POC1A: variants seen among roughly 807,000 people sequenced by gnomAD.
POC1A encodes the protein POC1 centriolar protein homolog A.
Under a neutral mutation model 47.8 loss-of-function variants are expected in POC1A, and 34 were observed. The observed-to-expected ratio is 0.71, with a 90% CI of 0.54 to 0.95. The LOEUF (loss-of-function observed/expected upper bound fraction) is 0.95. POC1A is among the 40% of genes least tolerant of loss of function. The pLI is 0.00. For missense variants in POC1A, 466 were observed against 528.3 expected, an observed-to-expected ratio of 0.88 and a Z score of 1.16; for synonymous variants, 177 against 207.6, an observed-to-expected ratio of 0.85 and a Z score of 1.27.
Position 52,084,337 on chromosome 3 carries a change from C to T in POC1A, c.1126-8352G>A. On this transcript the variant is annotated intron_variant, in intron 10 of 10. Coordinates refer to ENST00000296484, the MANE Select transcript of POC1A (RefSeq NM_015426.5). The surrounding 1 kb of genome is among the most constrained non-coding windows in gnomAD (Gnocchi z 4.3). Reference sequence around the variant, plus strand: ...CTCATGCACTCATGGGCAAACATGGCAGGGAAGCTGGAGCCGTAACTTCTC... The same window carrying T: ...CTCATGCACTCATGGGCAAACATGGTAGGGAAGCTGGAGCCGTAACTTCTC... Among the ~76,000 whole-genome samples the T allele has an allele frequency of 6.6e-6, 1 of 152,192 alleles. No homozygotes were observed. Among genetic ancestry groups the T allele is most frequent in the East Asian group, 1.9e-4 (1 of 5,200 alleles).
At chr3:52,125,286 G>T (rs1703954704) in intron 7 of POC1A, 105 bp from the exon 8 acceptor site, 1 of 951,124 alleles carries the variant, frequency 1.1e-6, no homozygotes, top group South Asian at 1.5e-5. Flanking sequence ...GCAGGATAAA[G>T]GACCGAGAGC....
rs1409887370 is a variant in POC1A, at chr3:52,078,040, T to G, written c.1126-2055A>C. ...TGAAGGGTGCCACCCCGTTGAGGCC[T>G]TCCTCTGAGAGCTTTGAGGATCACT... On this transcript the variant is annotated intron_variant, in intron 10 of 10. Transcript: ENST00000296484. Among the ~76,000 whole-genome samples, 33 of 152,182 alleles carry G rather than the reference T, an allele frequency of 2.2e-4. 1 individual carries two copies. Among genetic ancestry groups the G allele is most frequent in the Admixed American group, 2.1e-3 (32 of 15,284 alleles).
intron 7 of POC1A, among the ~76,000 whole-genome samples, chr3:52,127,049 T>G (rs1301807299): frequency 6.6e-6 from 1 of 152,216 alleles, no homozygotes; most frequent in African/African-American, 2.4e-5. Context: ...CTTGCCCTCC[T>G]GCCTTCTTCA....
chr3:52,107,752 A>G (rs1471575468), intron 9 of POC1A, among the ~76,000 whole-genome samples: 1 of 152,222 alleles, frequency 6.6e-6, no homozygotes, highest in Non-Finnish European at 1.5e-5. Flanking sequence ...GAATTGGAGA[A>G]AAGTTGCAAA....
intron 9 of POC1A, among the ~76,000 whole-genome samples, chr3:52,115,432 C>A (rs1387638075): frequency 6.6e-6 from 1 of 152,220 alleles, no homozygotes; most frequent in African/African-American, 2.4e-5. Flanking sequence ...ACCCACACTT[C>A]TCCCCTCTAC....
chr3:52,130,984 TGG>T, intron 7 of POC1A, among the ~76,000 whole-genome samples: 1 of 127,418 alleles, frequency 7.8e-6, no homozygotes, highest in East Asian at 2.7e-4. Flanking sequence ...TGTGCAGGTC[TGG>T]GTCCAGGGCA....
intron 7 of POC1A, among the ~76,000 whole-genome samples, chr3:52,135,661 G>A (rs1029267759): frequency 7.9e-5 from 12 of 152,150 alleles, no homozygotes; most frequent in Admixed American, 7.2e-4. Flanking sequence ...CTGTGGTATG[G>A]AGGTGAGCTG....
chr3:52,098,378 C>T (rs746176637), intron 9 of POC1A, among the ~76,000 whole-genome samples: 3 of 152,182 alleles, frequency 2.0e-5, no homozygotes, highest in Non-Finnish European at 4.4e-5. Context: ...TGCAGAATGG[C>T]CCAGAAATGG....
At chr3:52,150,741 G>A (rs1698528425) in intron 2 of POC1A, among the ~76,000 whole-genome samples, 1 of 152,180 alleles carries the variant, frequency 6.6e-6, no homozygotes, top group African/African-American at 2.4e-5. Context: ...AAGGTGGCTA[G>A]GGTGTGCAGA....
intron 6 of POC1A, 30 bp downstream of exon 6, chr3:52,145,816 C>A: frequency 6.9e-7 from 1 of 1,456,054 alleles, no homozygotes; most frequent in South Asian, 1.1e-5. Context: ...CAGGGCTGCC[C>A]TTGGGCCCAG....
At chr3:52,078,817 A>G (rs997735823) in intron 10 of POC1A, among the ~76,000 whole-genome samples, 1 of 152,242 alleles carries the variant, frequency 6.6e-6, no homozygotes, top group Non-Finnish European at 1.5e-5. Context: ...GAAATCTGAA[A>G]TGCTGCTGGT....
rs370655367 is a variant in POC1A, at chr3:52,083,568, G to T, written c.1126-7583C>A. On this transcript the variant is annotated intron_variant, in intron 10 of 10. Transcript: ENST00000296484. ...CTCCCTGGCCTGGTTTTCTCTTGAG[G>T]TGGGCTTGTCCTGCACTTTTTTCTT... Among the ~76,000 whole-genome samples the T allele has an allele frequency of 1.2e-4, 19 of 152,220 alleles. No individual in the cohort carries two copies. In the South Asian group the frequency reaches 2.5e-3, roughly 20 times the overall value.
At chr3:52,130,471 G>A (rs1271756755) in intron 7 of POC1A, among the ~76,000 whole-genome samples, 1 of 152,190 alleles carries the variant, frequency 6.6e-6, no homozygotes, top group East Asian at 1.9e-4. Context: ...CACAGACGGG[G>A]AGTGACCTCC....
intron 7 of POC1A, among the ~76,000 whole-genome samples, chr3:52,127,997 A>G (rs899042386): frequency 1.3e-5 from 2 of 152,170 alleles, no homozygotes; most frequent in African/African-American, 4.8e-5. Context: ...CACCTGGCCT[A>G]CTTTGAATTT....
At chr3:52,117,572 CAG>C (rs1447574141) in intron 9 of POC1A, among the ~76,000 whole-genome samples, 2 of 152,208 alleles carry the variant, frequency 1.3e-5, no homozygotes, top group Non-Finnish European at 2.9e-5. Flanking sequence ...CTCTTAACCA[CAG>C]ATGAGCTTTC....
rs1243808700 is a variant in POC1A at position 52,116,710 on chromosome 3, G to A, written c.981+5669C>T. 9.2e-5 allele frequency among the ~76,000 whole-genome samples: 14 copies of A among 152,210 alleles called. 1 individual carries two copies. In the South Asian group the frequency reaches 2.7e-3, roughly 29 times the overall value. ...CAAGTTTTGAACACATAATCTCCTGGATTGGCTTTCAGTCAGGGAGGGGAA... is the reference window on the plus strand; with the variant it reads ...CAAGTTTTGAACACATAATCTCCTGAATTGGCTTTCAGTCAGGGAGGGGAA... On this transcript the variant is annotated intron_variant, in intron 9 of 10. Coordinates refer to ENST00000296484, the MANE Select transcript of POC1A (RefSeq NM_015426.5).
At chr3:52,116,595 T>C (rs1253843737) in intron 9 of POC1A, among the ~76,000 whole-genome samples, 1 of 152,146 alleles carries the variant, frequency 6.6e-6, no homozygotes, top group Non-Finnish European at 1.5e-5. Context: ...TCTAGAAACC[T>C]CACTGGCCCT....
intron 10 of POC1A, among the ~76,000 whole-genome samples, chr3:52,085,101 AACAC>A (rs1288263116): frequency 5.9e-5 from 9 of 152,292 alleles, no homozygotes; most frequent in African/African-American, 1.9e-4. Context: ...TAGGAGGGTG[AACAC>A]ACAGGACCAT....
At chr3:52,139,293 T>G (rs768000822) in intron 6 of POC1A, among the ~76,000 whole-genome samples, 9 of 152,200 alleles carry the variant, frequency 5.9e-5, no homozygotes, top group Non-Finnish European at 1.2e-4. Context: ...TTGCCCCCTG[T>G]GTTCCATGCA....
Sources: allele counts gnomAD v4.1 joint callset (sites outside exome capture counted in the v4.1 genomes callset), GRCh38; gene constraint gnomAD v4.1.1; non-coding constraint Gnocchi (gnomAD v3.1); transcripts MANE v1.5; gene names NCBI Gene and HGNC (gene_info 2026-07-23, HGNC 2026-07-21).